Variants in LTBP1 observed in about 807,000 individuals in gnomAD.
LTBP1 encodes the protein latent transforming growth factor beta binding protein 1.
LTBP1 carries 129 observed loss-of-function variants against 207.6 expected under a neutral mutation model. The ratio of observed to expected loss-of-function variants is 0.62; its 90% CI spans 0.54 to 0.72. The LOEUF is 0.72. Ranked by LOEUF, LTBP1 falls within the 30% of genes least tolerant of loss-of-function variation. LTBP1 has a pLI of 0.00. For missense variants in LTBP1, 2,281 were observed against 2,217.2 expected, an observed-to-expected ratio of 1.03 and a Z score of -0.58; for synonymous variants, 963 against 833.7, an observed-to-expected ratio of 1.16 and a Z score of -2.67.
At chr2:33,291,554 A>G (rs958839966) in intron 19 of LTBP1, 1 of 152,186 alleles carries the variant, frequency 6.6e-6, no homozygotes, top group African/African-American at 2.4e-5. Context: ...ACAGAAGTGG[A>G]TTCCCACAAC....
intron 12 of LTBP1, among the ~76,000 whole-genome samples, chr2:33,259,003 G>A (rs2092939195): frequency 6.6e-6 from 1 of 152,166 alleles, no homozygotes; most frequent in Non-Finnish European, 1.5e-5. Context: ...GTATATTGAT[G>A]CTAATCTCTA....
chr2:33,333,792 A>ATGTTCAGAATTCT, intron 24 of LTBP1, among the ~76,000 whole-genome samples: 1 of 152,282 alleles, frequency 6.6e-6, no homozygotes, highest in East Asian at 1.9e-4. Flanking sequence ...TGGAGATAAA[A>ATGTTCAGAATTCT]ACTGGAAGTC....
intron 7 of LTBP1, among the ~76,000 whole-genome samples, chr2:33,201,269 C>T (rs1182881243): frequency 6.6e-6 from 1 of 152,070 alleles, no homozygotes; most frequent in African/African-American, 2.4e-5. Context: ...AAATGTGGCA[C>T]ATATACACCA....
chr2:33,215,723 GTT>G (rs11381516), intron 7 of LTBP1, among the ~76,000 whole-genome samples: 3 of 138,618 alleles, frequency 2.2e-5, no homozygotes. Flanking sequence ...TTTGTTTTTT[GTT>G]TTTTTTTTTT....
chr2:32,988,864 G>A (rs1216205225), intron 2 of LTBP1, among the ~76,000 whole-genome samples: 1 of 152,168 alleles, frequency 6.6e-6, no homozygotes, highest in Non-Finnish European at 1.5e-5. Flanking sequence ...AAACAAAATG[G>A]CACTTGAGTA....
intron 5 of LTBP1, among the ~76,000 whole-genome samples, chr2:33,170,231 A>G (rs2085295678): frequency 6.6e-6 from 1 of 152,240 alleles, no homozygotes; most frequent in Non-Finnish European, 1.5e-5. Context: ...GCAAGGGGTC[A>G]GGGAGTTCCC....
At chr2:33,155,285 C>G (rs998583295) in intron 5 of LTBP1, among the ~76,000 whole-genome samples, 1 of 151,986 alleles carries the variant, frequency 6.6e-6, no homozygotes, top group Non-Finnish European at 1.5e-5. Flanking sequence ...AGGCTACTCT[C>G]GAACTCCCGA....
intron 2 of LTBP1, among the ~76,000 whole-genome samples, chr2:33,007,435 C>T (rs1687082751): frequency 6.6e-6 from 1 of 152,226 alleles, no homozygotes; most frequent in South Asian, 2.1e-4. Context: ...GACTCTGTCT[C>T]ATTCATTGTA....
intron 8 of LTBP1, among the ~76,000 whole-genome samples, chr2:33,218,417 A>G (rs1478242007): frequency 6.6e-6 from 1 of 151,924 alleles, no homozygotes. Context: ...TCTTTTTGAG[A>G]CGGAATTTCA....
At chr2:33,378,082 A>C (rs1386298079) in intron 31 of LTBP1, among the ~76,000 whole-genome samples, 1 of 152,180 alleles carries the variant, frequency 6.6e-6, no homozygotes, top group Non-Finnish European at 1.5e-5. Flanking sequence ...TTCTCCTGTG[A>C]AATCAGAGAT....
At chr2:33,065,175 G>T (rs751718409) in intron 3 of LTBP1, among the ~76,000 whole-genome samples, 1 of 152,056 alleles carries the variant, frequency 6.6e-6, no homozygotes. Context: ...ATAAAAATAC[G>T]ATTATTTTTT....
chr2:33,329,821 T>C (rs2094473642), intron 24 of LTBP1, among the ~76,000 whole-genome samples: 2 of 152,142 alleles, frequency 1.3e-5, no homozygotes, highest in Admixed American at 6.5e-5. Flanking sequence ...CTGTCAGTTC[T>C]AACTTCTTCA....
chr2:33,368,841 C>T (rs965432312), intron 31 of LTBP1, among the ~76,000 whole-genome samples: 4 of 152,188 alleles, frequency 2.6e-5, no homozygotes, highest in East Asian at 1.9e-4. Flanking sequence ...CGCACCACTG[C>T]ACTCCATCCT....
chr2:33,029,931 C>T (rs1314969971), intron 3 of LTBP1, among the ~76,000 whole-genome samples: 7 of 152,244 alleles, frequency 4.6e-5, no homozygotes, highest in Admixed American at 3.9e-4. Flanking sequence ...AATGTGACAA[C>T]CTATTCATTA....
chr2:33,136,387 C>T (rs1010889631), intron 5 of LTBP1, among the ~76,000 whole-genome samples: 1 of 152,196 alleles, frequency 6.6e-6, no homozygotes, highest in African/African-American at 2.4e-5. Flanking sequence ...CAGTTTTTCT[C>T]ATTCATAAAA....
At chr2:33,353,859 C>CATTTTTT (rs777108878) in intron 26 of LTBP1, among the ~76,000 whole-genome samples, 2 of 113,114 alleles carry the variant, frequency 1.8e-5, no homozygotes, top group African/African-American at 3.1e-5. Context: ...TGCATGTACG[C>CATTTTTT]CTTTTTTTTT....
At chr2:33,179,025 G>A (rs775635909) in intron 5 of LTBP1, among the ~76,000 whole-genome samples, 1 of 151,574 alleles carries the variant, frequency 6.6e-6, no homozygotes, top group Non-Finnish European at 1.5e-5. Context: ...TCGGGCATGA[G>A]CCACCATGCC....
intron 3 of LTBP1, among the ~76,000 whole-genome samples, chr2:33,044,285 C>G (rs1404060795): frequency 2.6e-5 from 4 of 152,030 alleles, no homozygotes; most frequent in African/African-American, 9.7e-5. Context: ...CACTGACAGG[C>G]CCTGGTGTGT....
intron 2 of LTBP1, among the ~76,000 whole-genome samples, chr2:32,982,103 G>A (rs1356586567): frequency 6.6e-6 from 1 of 152,206 alleles, no homozygotes; most frequent in Non-Finnish European, 1.5e-5. Flanking sequence ...GAACTTCCTA[G>A]AGACTTGTTG....
Sources: gnomAD v4.1 joint callset for allele counts (sites outside exome capture counted in the v4.1 genomes callset) on GRCh38, gnomAD v4.1.1 for gene constraint, MANE v1.5 for transcripts, NCBI Gene and HGNC (gene_info 2026-07-23, HGNC 2026-07-21) for gene names.